The following ARHGAP32 variants were observed in gnomAD, a reference collection of about 807,000 sequenced individuals.
The protein encoded by ARHGAP32 is Rho GTPase activating protein 32.
In ARHGAP32, 51 loss-of-function variants were observed where a neutral mutation model predicts 186.5. The ratio of observed to expected loss-of-function variants is 0.27; its 90% CI spans 0.22 to 0.35. The LOEUF is 0.35. ARHGAP32 is among the 10% of genes least tolerant of loss of function. ARHGAP32 has a pLI of 1.00. For missense variants in ARHGAP32, 2,186 were observed against 2,623.5 expected, an observed-to-expected ratio of 0.83 and a Z score of 3.64; for synonymous variants, 950 against 964.3, an observed-to-expected ratio of 0.99 and a Z score of 0.27.
chr11:129,019,000 T>C (rs1938481677), intron 11 of ARHGAP32, among the ~76,000 whole-genome samples: 1 of 152,206 alleles, frequency 6.6e-6, no homozygotes, highest in African/African-American at 2.4e-5. Context: ...TGAATAACTC[T>C]GGCGATGTGT....
In ARHGAP32 at chr11:128,970,112, G is replaced by T. The variant is rs1346569721; in HGVS notation, c.5101C>A (p.Arg1701=). Residue 1701 remains arginine, a synonymous_variant, in exon 23 of 23, where the codon CGA becomes AGA. Transcript: ENST00000682385. This position sits in a 1 kb window ranked among gnomAD's most constrained non-coding sequence, Gnocchi z 5.8. ...QLRPLHRLPN[R]DFAFYNPRLQ... is the part of the protein sequence containing the mutation. ...CTAGGATTGTAGAAAGCAAAGTCTC[G>T]ATTGGGAAGGCGGTGAAGGGGTCTC... 3.7e-6 allele frequency: 6 copies of T among 1,614,078 alleles called. No homozygotes were observed. The highest frequency in any genetic ancestry group is 1.7e-5 in the Admixed American group (1 of 60,004).
At chr11:129,228,634 A>C (rs1944816160) in intron 1 of ARHGAP32, among the ~76,000 whole-genome samples, 2 of 152,174 alleles carry the variant, frequency 1.3e-5, no homozygotes, top group Non-Finnish European at 2.9e-5. Context: ...ACATGTTCTC[A>C]CTATTAAGTG....
Position 129,123,887 on chromosome 11 carries a change from C to A in ARHGAP32, c.359+1G>T. Reference sequence around the variant, plus strand: ...ACACAAAGTAGAAAACCAGATTTTACCTGTGAATGTTGTCACAGCCCATCA... The same window carrying A: ...ACACAAAGTAGAAAACCAGATTTTAACTGTGAATGTTGTCACAGCCCATCA... On this transcript the variant is annotated splice_donor_variant, in intron 4 of 22. Coordinates refer to ENST00000682385, the MANE Select transcript of ARHGAP32 (RefSeq NM_001378024.1). LOFTEE classifies it high-confidence loss of function. This position sits in a 1 kb window ranked among gnomAD's most constrained non-coding sequence, Gnocchi z 4.6. The A allele has an allele frequency of 7.7e-7, 1 of 1,296,908 alleles. No homozygotes were observed. The highest frequency in any genetic ancestry group is 1.0e-6 in the Non-Finnish European group (1 of 993,826). 80.3% of individuals were successfully genotyped at this position (1,296,908 alleles called of 1,614,324 possible).
chr11:129,170,413 G>A (rs1943734880), intron 1 of ARHGAP32, among the ~76,000 whole-genome samples: 3 of 151,854 alleles, frequency 2.0e-5, no homozygotes, highest in Admixed American at 2.0e-4. Flanking sequence ...TCCCAATTAT[G>A]GATGACAACA....
At chr11:129,228,090 T>C (rs920382447) in intron 1 of ARHGAP32, among the ~76,000 whole-genome samples, 1 of 152,070 alleles carries the variant, frequency 6.6e-6, no homozygotes, top group Non-Finnish European at 1.5e-5. Context: ...CTGAGAGATA[T>C]ACAAGTAAGT....
chr11:129,042,470 T>G (rs527349665), intron 10 of ARHGAP32, among the ~76,000 whole-genome samples: 12 of 152,328 alleles, frequency 7.9e-5, no homozygotes, highest in Non-Finnish European at 1.3e-4. Context: ...TCTACTCAAC[T>G]TCCTATTTTA....
intron 2 of ARHGAP32, among the ~76,000 whole-genome samples, chr11:129,130,683 C>T (rs1942789956): frequency 6.6e-6 from 1 of 151,956 alleles, no homozygotes; most frequent in Non-Finnish European, 1.5e-5. Flanking sequence ...TGCCAAAAAG[C>T]CCAAATTAAA....
At chr11:129,150,447 A>C (rs896311392) in intron 2 of ARHGAP32, among the ~76,000 whole-genome samples, 1 of 152,186 alleles carries the variant, frequency 6.6e-6, no homozygotes, top group Non-Finnish European at 1.5e-5. Context: ...GAAAGAAAGA[A>C]TCTTAAGAGC....
chr11:128,982,017 A>G, intron 15 of ARHGAP32, 81 bp from the exon 16 acceptor site: 1 of 894,344 alleles, frequency 1.1e-6, no homozygotes, highest in Non-Finnish European at 1.7e-6. Flanking sequence ...ATTAATTCCT[A>G]AGTTTGCAAT....
chr11:129,208,667 C>T (rs1186135535), intron 1 of ARHGAP32, among the ~76,000 whole-genome samples: 11 of 142,846 alleles, frequency 7.7e-5, no homozygotes, highest in Admixed American at 2.8e-4. Context: ...ATTTTCTTTT[C>T]TTTTTTTTTT....
At chr11:129,040,631 T>G in intron 11 of ARHGAP32, among the ~76,000 whole-genome samples, 1 of 152,200 alleles carries the variant, frequency 6.6e-6, no homozygotes, top group East Asian at 1.9e-4. Flanking sequence ...TTTAAACCTA[T>G]TTTTTAAATC....
intron 11 of ARHGAP32, among the ~76,000 whole-genome samples, chr11:129,019,856 T>C (rs539392854): frequency 2.6e-5 from 4 of 152,110 alleles, no homozygotes; most frequent in Non-Finnish European, 5.9e-5. Flanking sequence ...CATGACATCA[T>C]TGGCTAAGGT....
Position 129,123,998 on chromosome 11 carries a change from T to C in ARHGAP32, c.318-69A>G, listed in dbSNP as rs1942597383. 8 of 1,107,034 alleles carry C rather than the reference T, an allele frequency of 7.2e-6. No homozygotes were observed. The highest frequency in any genetic ancestry group is 3.3e-5 in the African/African-American group (2 of 61,382). The allele number at this position is 1,107,034 out of a possible 1,614,324, so 68.6% of individuals were successfully genotyped here. ...TACACATGAAGCATAACTATCTAAC[T>C]CTACTAAGTGAAAAGATGGTTTTCC... On this transcript the variant is annotated intron_variant, in intron 3 of 22. Coordinates refer to ENST00000682385, the MANE Select transcript of ARHGAP32 (RefSeq NM_001378024.1). The surrounding 1 kb of genome is among the most constrained non-coding windows in gnomAD (Gnocchi z 4.6).
chr11:129,057,460 A>G (rs1251817782), intron 10 of ARHGAP32, among the ~76,000 whole-genome samples: 3 of 152,068 alleles, frequency 2.0e-5, no homozygotes, highest in African/African-American at 7.2e-5. Flanking sequence ...ACTGGTTGAC[A>G]TCTATTATGG....
Position 129,008,555 on chromosome 11 carries a change from C to T in ARHGAP32, c.1046-10087G>A, listed in dbSNP as rs1937908293. ...ACCAACCATCCTGGTTAGTCCATGA[C>T]TGACAAGTTTCCTGAGACATGGAAC... On this transcript the variant is annotated intron_variant, in intron 11 of 22. Coordinates refer to ENST00000682385, the MANE Select transcript of ARHGAP32 (RefSeq NM_001378024.1). Among the ~76,000 whole-genome samples, 3 of 152,202 alleles carry T rather than the reference C, an allele frequency of 2.0e-5. No individual in the cohort carries two copies. In the South Asian group the frequency reaches 6.2e-4, roughly 31 times the overall value.
At chr11:129,133,433 T>A (rs367985094) in intron 2 of ARHGAP32, among the ~76,000 whole-genome samples, 1 of 152,012 alleles carries the variant, frequency 6.6e-6, no homozygotes, top group Non-Finnish European at 1.5e-5. Context: ...ACAAAACAAG[T>A]AACATCAAAG....
intron 1 of ARHGAP32, among the ~76,000 whole-genome samples, chr11:129,232,724 T>C (rs1266229634): frequency 6.6e-6 from 1 of 152,190 alleles, no homozygotes; most frequent in Non-Finnish European, 1.5e-5. Context: ...CTTGCAGTTG[T>C]AGGATGAAGG....
At position 128,970,233 on chromosome 11, in the gene ARHGAP32, G is replaced by A. The variant is rs1258553275; in HGVS notation, c.4980C>T (p.Val1660=). 1 of 1,614,166 alleles carries A rather than the reference G, an allele frequency of 6.2e-7. No homozygotes were observed. Among genetic ancestry groups the A allele is most frequent in the East Asian group, 2.2e-5 (1 of 44,882 alleles). Residue 1660 remains valine (V), a synonymous_variant, in exon 23 of 23, where the codon GTC becomes GTT. Transcript: ENST00000682385. The surrounding 1 kb of genome is among the most constrained non-coding windows in gnomAD (Gnocchi z 5.8). ...TGGAATATGGGCTATACCTGTAGTG[G>A]ACCCGGCCATTCTCAAAGTAAGGCT... The part of the protein sequence containing the change: ...QLQPYFENGR[V]HYRYSPYSSS...
chr11:129,078,863 AATAAT>A (rs1379127301), intron 6 of ARHGAP32, among the ~76,000 whole-genome samples: 3 of 152,116 alleles, frequency 2.0e-5, no homozygotes, highest in Non-Finnish European at 4.4e-5. Flanking sequence ...AAATTTTAGA[AATAAT>A]ATAAGATATG....
Sources: gnomAD v4.1 joint callset for allele counts (sites outside exome capture counted in the v4.1 genomes callset) on GRCh38, gnomAD v4.1.1 for gene constraint, Gnocchi (gnomAD v3.1) non-coding constraint, MANE v1.5 for transcripts, NCBI Gene and HGNC (gene_info 2026-07-23, HGNC 2026-07-21) for gene names.